FHIT: variants seen among roughly 807,000 people sequenced by gnomAD.
FHIT encodes fragile histidine triad diadenosine triphosphatase.
A neutral mutation model predicts 17.9 loss-of-function variants in FHIT; 19 were observed. The ratio of observed to expected loss-of-function variants is 1.06; its 90% CI spans 0.74 to 1.56. The LOEUF (loss-of-function observed/expected upper bound fraction) is 1.56. Ranked by LOEUF, FHIT falls within the 40% of genes most tolerant of loss-of-function variation. FHIT has a pLI of 0.00. For synonymous variants in FHIT, 81 were observed against 69.7 expected (o/e 1.16, Z -0.81); for missense variants, 248 against 189.2 (o/e 1.31, Z -1.82).
intron 5 of FHIT, among the ~76,000 whole-genome samples, chr3:60,136,309 G>C (rs1021222044): frequency 6.6e-6 from 1 of 152,094 alleles, no homozygotes; most frequent in Non-Finnish European, 1.5e-5. Context: ...ACTAGTAACT[G>C]TACTAACAGA....
chr3:61,108,317 C>G (rs13095530), intron 2 of FHIT, among the ~76,000 whole-genome samples: 51,682 of 152,082 alleles, frequency 0.34, 11,135 homozygotes, highest in Non-Finnish European at 0.48. Context: ...TATCCTAACT[C>G]TAGGCTGCAA....
intron 4 of FHIT, among the ~76,000 whole-genome samples, chr3:60,547,137 C>G (rs764201189): frequency 6.6e-6 from 1 of 152,134 alleles, no homozygotes; most frequent in South Asian, 2.1e-4. Context: ...ATAAAAATGG[C>G]AGAAAGCAAT....
chr3:59,875,821 T>C (rs1214313505), intron 8 of FHIT, among the ~76,000 whole-genome samples: 2 of 152,158 alleles, frequency 1.3e-5, no homozygotes, highest in Non-Finnish European at 2.9e-5. Context: ...ATATATCATA[T>C]TCATATGGAT....
intron 5 of FHIT, among the ~76,000 whole-genome samples, chr3:60,276,800 G>T (rs1401245050): frequency 6.6e-6 from 1 of 152,122 alleles, no homozygotes; most frequent in Admixed American, 6.5e-5. Context: ...ATGTCACAGG[G>T]CAAGAGAGGG....
rs1051419897 is a variant in FHIT at position 60,296,640 on chromosome 3, A to G, written c.103+240220T>C. Among the ~76,000 whole-genome samples the G allele has an allele frequency of 2.0e-5, 3 of 151,998 alleles. No homozygotes were observed. The East Asian group carries it at 5.8e-4, about 29-fold the overall frequency. Reference sequence around the variant, plus strand: ...CCTCTTAGCAGAGTCTTTCAGAGAGAAATTTTTTAAATTTTGAAGTTAAAC... The same window carrying G: ...CCTCTTAGCAGAGTCTTTCAGAGAGGAATTTTTTAAATTTTGAAGTTAAAC... On this transcript the variant is annotated intron_variant, in intron 5 of 9. Coordinates refer to ENST00000492590, the MANE Select transcript of FHIT (RefSeq NM_002012.4).
intron 8 of FHIT, among the ~76,000 whole-genome samples, chr3:59,869,824 T>C (rs554234176): frequency 6.6e-6 from 1 of 152,176 alleles, no homozygotes; most frequent in African/African-American, 2.4e-5. Context: ...AATTTAAAGT[T>C]ACCAGATGAA....
At chr3:61,165,872 T>G (rs2037822179) in intron 2 of FHIT, 1 of 152,102 alleles carries the variant, frequency 6.6e-6, no homozygotes, top group South Asian at 2.1e-4. Context: ...AGAAAATTGG[T>G]TGACAAAGAA....
At chr3:60,030,954 T>C (rs1028989108) in intron 5 of FHIT, among the ~76,000 whole-genome samples, 5 of 152,246 alleles carry the variant, frequency 3.3e-5, no homozygotes, top group African/African-American at 1.2e-4. Flanking sequence ...TTCTCTGGGT[T>C]GTCTTCCTTT....
chr3:61,095,651 T>TA (rs956064079), intron 2 of FHIT, among the ~76,000 whole-genome samples: 7 of 150,166 alleles, frequency 4.7e-5, no homozygotes, highest in East Asian at 2.0e-4. Context: ...GCATCTGTTT[T>TA]AAAAAAAAAA....
chr3:59,960,684 T>C (rs569953687), intron 7 of FHIT, among the ~76,000 whole-genome samples: 1 of 152,360 alleles, frequency 6.6e-6, no homozygotes, highest in East Asian at 1.9e-4. Context: ...CACTATATTC[T>C]TCTAATACAC....
Position 60,610,394 on chromosome 3 carries a change from A to G in FHIT, c.-17-73415T>C, listed in dbSNP as rs958513869. ...AAATAGAAACAGAACAAATTCATGC[A>G]CAAAAAAGCATCTGATATGATCACC... is the stretch of plus-strand genomic sequence containing the variant. On this transcript the variant is annotated intron_variant, in intron 4 of 9. Coordinates refer to ENST00000492590, the MANE Select transcript of FHIT (RefSeq NM_002012.4). 5.3e-5 allele frequency among the ~76,000 whole-genome samples: 8 copies of G among 152,218 alleles called. No individual in the cohort carries two copies. In the East Asian group the frequency reaches 1.5e-3, roughly 29 times the overall value.
chr3:60,560,844 CAG>C (rs1553651340), intron 4 of FHIT, among the ~76,000 whole-genome samples: 32 of 122,348 alleles, frequency 2.6e-4, no homozygotes, highest in Admixed American at 3.4e-4. Context: ...CACACACACA[CAG>C]AGAGAGAGAG....
chr3:60,367,547 A>T (rs894911357), intron 5 of FHIT, among the ~76,000 whole-genome samples: 2 of 152,246 alleles, frequency 1.3e-5, no homozygotes, highest in Non-Finnish European at 2.9e-5. Context: ...TACTCAAAAT[A>T]CATTTGATGT....
intron 2 of FHIT, among the ~76,000 whole-genome samples, chr3:61,183,506 A>ACT (rs976994353): frequency 6.6e-6 from 1 of 152,060 alleles, no homozygotes; most frequent in African/African-American, 2.4e-5. Context: ...GATTTGCTGC[A>ACT]CTCTCTCTCT....
At chr3:60,521,213 A>G (rs946438480) in intron 5 of FHIT, among the ~76,000 whole-genome samples, 3 of 151,764 alleles carry the variant, frequency 2.0e-5, no homozygotes, top group Non-Finnish European at 4.4e-5. Flanking sequence ...ATCAACCTTA[A>G]GGCATCAGGA....
chr3:60,336,130 A>T (rs1401780906), intron 5 of FHIT, among the ~76,000 whole-genome samples: 1 of 152,246 alleles, frequency 6.6e-6, no homozygotes, highest in Non-Finnish European at 1.5e-5. Flanking sequence ...GGCTCTCTCC[A>T]CATGCTTTAC....
chr3:59,825,408 A>G (rs1393363690), intron 8 of FHIT, among the ~76,000 whole-genome samples: 2 of 152,192 alleles, frequency 1.3e-5, no homozygotes, highest in African/African-American at 4.8e-5. Flanking sequence ...CAATTTCTAG[A>G]GGGATAGTTG....
chr3:60,375,971 T>C (rs1046032287), intron 5 of FHIT, among the ~76,000 whole-genome samples: 16 of 152,196 alleles, frequency 1.1e-4, no homozygotes, highest in Non-Finnish European at 1.3e-4. Flanking sequence ...TTTATTCCTT[T>C]TTAATTAATT....
At chr3:61,170,775 G>A (rs1292610812) in intron 2 of FHIT, among the ~76,000 whole-genome samples, 1 of 152,092 alleles carries the variant, frequency 6.6e-6, no homozygotes, top group Admixed American at 6.6e-5. Context: ...GTCTATCATT[G>A]ATAGGCATTT....
Sources: allele counts gnomAD v4.1 joint callset (sites outside exome capture counted in the v4.1 genomes callset), GRCh38; gene constraint gnomAD v4.1.1; transcripts MANE v1.5; gene names NCBI Gene and HGNC (gene_info 2026-07-23, HGNC 2026-07-21).